The following XXYLT1 variants were observed in gnomAD, a reference collection of about 807,000 sequenced individuals.
The protein encoded by XXYLT1 is UDP-xylose:alpha-xyloside alpha-1,3-xylosyltransferase.
In XXYLT1, 20 loss-of-function variants were observed where a neutral mutation model predicts 28.9. That is an observed-to-expected ratio of 0.69 (90% confidence interval 0.49 to 1.00). The LOEUF (loss-of-function observed/expected upper bound fraction) is 1.00. Ranked by LOEUF, XXYLT1 falls within the 50% of genes least tolerant of loss-of-function variation. The pLI, the probability that XXYLT1 is intolerant of heterozygous loss-of-function variation, is 0.00. For missense variants in XXYLT1, 542 were observed against 560.1 expected, an observed-to-expected ratio of 0.97 and a Z score of 0.33; for synonymous variants, 257 against 253.8, an observed-to-expected ratio of 1.01 and a Z score of -0.12.
chr3:195,110,465 TGGG>T (rs1560101110), intron 3 of XXYLT1, among the ~76,000 whole-genome samples: 41 of 17,944 alleles, frequency 2.3e-3, no homozygotes, highest in Admixed American at 7.0e-3. Context: ...GTGTGGTGTG[TGGG>T]TGAGGTGTGT....
At chr3:195,072,390 C>T (rs1243448483) in intron 3 of XXYLT1, among the ~76,000 whole-genome samples, 1 of 152,156 alleles carries the variant, frequency 6.6e-6, no homozygotes, top group East Asian at 1.9e-4. Context: ...GTATCCTTAC[C>T]AACCTCGGCA....
chr3:195,121,007 G>A (rs986881814), intron 3 of XXYLT1, among the ~76,000 whole-genome samples: 1 of 152,190 alleles, frequency 6.6e-6, no homozygotes, highest in Non-Finnish European at 1.5e-5. Context: ...ACGTGTGTTG[G>A]AGCTAAGATT....
At chr3:195,147,091 T>A (rs1359586923) in intron 3 of XXYLT1, 1 of 153,752 alleles carries the variant, frequency 6.5e-6, no homozygotes. Flanking sequence ...ATCTTGTCCA[T>A]GGGATATCTC....
intron 3 of XXYLT1, among the ~76,000 whole-genome samples, chr3:195,097,588 A>C (rs13321195): frequency 0.039 from 5,998 of 152,254 alleles, 376 homozygotes; most frequent in African/African-American, 0.14. Context: ...GAATTGAGTC[A>C]AAGCCCCCCA....
intron 2 of XXYLT1, among the ~76,000 whole-genome samples, chr3:195,164,380 C>T (rs1045540618): frequency 7.9e-5 from 12 of 152,238 alleles, no homozygotes; most frequent in African/African-American, 2.9e-4. Flanking sequence ...TTGTTCAGCC[C>T]TCAGCTGTCC....
chr3:195,207,012 C>G (rs779760614), intron 2 of XXYLT1, among the ~76,000 whole-genome samples: 1 of 152,110 alleles, frequency 6.6e-6, no homozygotes, highest in East Asian at 1.9e-4. Flanking sequence ...AAAAGGCCCA[C>G]GGAGGATGTT....
At chr3:195,110,883 G>GT (rs1717665623) in intron 3 of XXYLT1, among the ~76,000 whole-genome samples, 1 of 46,742 alleles carries the variant, frequency 2.1e-5, no homozygotes, top group Non-Finnish European at 5.3e-5. Flanking sequence ...TGTGGTGTAT[G>GT]TGTGCGTGTG....
intron 2 of XXYLT1, among the ~76,000 whole-genome samples, chr3:195,215,256 C>G (rs1185673775): frequency 9.1e-5 from 13 of 143,274 alleles, no homozygotes; most frequent in African/African-American, 1.5e-4. Context: ...GGAAGAAACT[C>G]CATCAACTAA....
chr3:195,132,286 A>C (rs1718942118), intron 3 of XXYLT1, among the ~76,000 whole-genome samples: 1 of 152,198 alleles, frequency 6.6e-6, no homozygotes, highest in South Asian at 2.1e-4. Context: ...CCTGGGCAAC[A>C]TGGCGAAACC....
chr3:195,199,793 A>G (rs997733123), intron 2 of XXYLT1, among the ~76,000 whole-genome samples: 2 of 152,164 alleles, frequency 1.3e-5, no homozygotes, highest in Non-Finnish European at 2.9e-5. Context: ...GGCCTTAGAT[A>G]AGTCCTTTCC....
At chr3:195,220,364 G>T (rs534610011) in intron 2 of XXYLT1, among the ~76,000 whole-genome samples, 1 of 152,118 alleles carries the variant, frequency 6.6e-6, no homozygotes, top group Non-Finnish European at 1.5e-5. Context: ...GGCTGGTATC[G>T]AACTCCTGAC....
chr3:195,088,696 G>C (rs1221224273), intron 3 of XXYLT1, among the ~76,000 whole-genome samples: 111 of 141,934 alleles, frequency 7.8e-4, no homozygotes, highest in African/African-American at 2.8e-3. Flanking sequence ...GACGAGCTGA[G>C]AGAAGAAGGC....
intron 2 of XXYLT1, among the ~76,000 whole-genome samples, chr3:195,175,134 C>T (rs1233387396): frequency 1.3e-5 from 2 of 152,222 alleles, no homozygotes; most frequent in African/African-American, 4.8e-5. Context: ...CCAGAGCAAT[C>T]GGGGCTGTGC....
In XXYLT1 at chr3:195,155,087, G is replaced by A. The variant is rs141367097; in HGVS notation, c.785+1362C>T. On this transcript the variant is annotated intron_variant, in intron 3 of 3. Coordinates refer to ENST00000310380, the MANE Select transcript of XXYLT1 (RefSeq NM_152531.5). ...CTACCCAGTGACTCTGGGGCCACAC[G>A]TGAGAGGATTATATAAGGGAGAAAA... is the stretch of plus-strand genomic sequence containing the variant. Among the ~76,000 whole-genome samples the A allele has an allele frequency of 5.3e-4, 81 of 152,350 alleles. 3 individuals are homozygous for A. In the East Asian group the frequency reaches 6.4e-3, roughly 12 times the overall value.
rs555126464 is a variant in XXYLT1, at chr3:195,109,965, TTGTG to T, written c.786-39858_786-39855del. On this transcript the variant is annotated intron_variant, in intron 3 of 3. Transcript: ENST00000310380. Reference sequence around the variant, plus strand: ...ATGAGTGTGCGTGCATGTGTGTGTGTTGTGTGTATGTGTGTGGGTGGGGGTGTGT... The same window carrying T: ...ATGAGTGTGCGTGCATGTGTGTGTGTTGTATGTGTGTGGGTGGGGGTGTGT... Among the ~76,000 whole-genome samples the T allele has an allele frequency of 1.7e-3, 67 of 38,954 alleles. 22 individuals are homozygous for T. Among genetic ancestry groups the T allele is most frequent in the Middle Eastern group, 0.062 (2 of 32 alleles). The allele number at this position is 38,954 out of a possible 152,430, so 25.6% of individuals were successfully genotyped here.
intron 2 of XXYLT1, among the ~76,000 whole-genome samples, chr3:195,191,711 G>C (rs935718062): frequency 6.6e-6 from 1 of 152,180 alleles, no homozygotes; most frequent in Non-Finnish European, 1.5e-5. Context: ...CTATACAATA[G>C]CTTGAGTGGC....
At chr3:195,108,644 C>T (rs1717279210) in intron 3 of XXYLT1, among the ~76,000 whole-genome samples, 1 of 152,240 alleles carries the variant, frequency 6.6e-6, no homozygotes, top group African/African-American at 2.4e-5. Flanking sequence ...GTACAGTCTG[C>T]TGCTCCTAGG....
chr3:195,148,293 G>A (rs1366566482), intron 3 of XXYLT1, among the ~76,000 whole-genome samples: 3 of 152,148 alleles, frequency 2.0e-5, no homozygotes, highest in South Asian at 2.1e-4. Flanking sequence ...GTTATAGCAC[G>A]GCCTCCAGGT....
rs1391395383 is a variant in XXYLT1 at position 195,168,884 on chromosome 3, AG to A, written c.653-12304del. Among the ~76,000 whole-genome samples the A allele has an allele frequency of 6.6e-6, 1 of 152,174 alleles. No individual in the cohort carries two copies. Among genetic ancestry groups the A allele is most frequent in the African/African-American group, 2.4e-5 (1 of 41,440 alleles). Reference sequence around the variant, plus strand: ...AAGTTAGTCCCCATCCCCATCACAAAGTCTGAGCTCTTTTGCCTCAATGTGG... The same window carrying A: ...AAGTTAGTCCCCATCCCCATCACAAATCTGAGCTCTTTTGCCTCAATGTGG... On this transcript the variant is annotated intron_variant, in intron 2 of 3. Coordinates refer to ENST00000310380, the MANE Select transcript of XXYLT1 (RefSeq NM_152531.5). This position sits in a 1 kb window ranked among gnomAD's most constrained non-coding sequence, Gnocchi z 4.3.
Sources: allele counts gnomAD v4.1 joint callset (sites outside exome capture counted in the v4.1 genomes callset), GRCh38; gene constraint gnomAD v4.1.1; non-coding constraint Gnocchi (gnomAD v3.1); transcripts MANE v1.5; gene names NCBI Gene and HGNC (gene_info 2026-07-23, HGNC 2026-07-21).